Variants in NRAP observed in about 807,000 individuals in gnomAD.
The protein encoded by NRAP is nebulin-related-anchoring protein.
In NRAP, 189 loss-of-function variants were observed where a neutral mutation model predicts 225.9. That is an observed-to-expected ratio of 0.84 (90% CI 0.74 to 0.94). NRAP has a LOEUF of 0.94. Ranked by LOEUF, NRAP falls within the 40% of genes least tolerant of loss-of-function variation. NRAP has a pLI of 0.00. For missense variants in NRAP, 2,176 were observed against 2,168.7 expected (o/e 1.00, Z -0.07); for synonymous variants, 769 against 790.7 (o/e 0.97, Z 0.46).
At chr10:113,645,397 G>T (rs1335136302) in intron 11 of NRAP, among the ~76,000 whole-genome samples, 1 of 142,052 alleles carries the variant, frequency 7.0e-6, no homozygotes, top group Admixed American at 7.4e-5. Context: ...GGGTAGAATA[G>T]GTGGTGTCAC....
chr10:113,595,549 A>G (rs554105499), intron 38 of NRAP, 74 bp downstream of exon 38: 1 of 954,958 alleles, frequency 1.0e-6, no homozygotes, highest in Non-Finnish European at 1.7e-6. Flanking sequence ...TTTTTTAAAA[A>G]AACGAAATCC....
chr10:113,604,549 C>A lies in NRAP; in HGVS notation c.4227+60G>T, dbSNP rs556841559. On this transcript the variant is annotated intron_variant, in intron 35 of 41. Transcript: ENST00000359988. Reference sequence around the variant, plus strand: ...TAAGGAAGAAGCAGAGATTGACACCCGGGTTTGGTGAAAGGAGAAAGGCTG... The same window carrying A: ...TAAGGAAGAAGCAGAGATTGACACCAGGGTTTGGTGAAAGGAGAAAGGCTG... 2.0e-6 allele frequency: 3 copies of A among 1,485,002 alleles called. No homozygotes were observed. In the South Asian group the frequency reaches 3.7e-5, roughly 18 times the overall value. 92.0% of individuals were successfully genotyped at this position (1,485,002 alleles called of 1,614,324 possible).
chr10:113,611,394 T>C (rs577291815), intron 30 of NRAP, among the ~76,000 whole-genome samples: 16 of 152,294 alleles, frequency 1.1e-4, no homozygotes, highest in African/African-American at 3.8e-4. Flanking sequence ...AGTTTTCTTT[T>C]CCTAAGCGGG....
chr10:113,627,164 CCAAA>C (rs1564732137), intron 20 of NRAP, among the ~76,000 whole-genome samples: 1 of 152,216 alleles, frequency 6.6e-6, no homozygotes, highest in Non-Finnish European at 1.5e-5. Context: ...AGAAAACATT[CCAAA>C]CAGTCTTCTA....
At chr10:113,623,261 T>C (rs1472797247) in intron 23 of NRAP, among the ~76,000 whole-genome samples, 1 of 152,226 alleles carries the variant, frequency 6.6e-6, no homozygotes, top group East Asian at 1.9e-4. Flanking sequence ...AATTTATCTG[T>C]AAAGCGAGAA....
chr10:113,661,412 A>T (rs1221706675), intron 3 of NRAP, among the ~76,000 whole-genome samples: 1 of 152,188 alleles, frequency 6.6e-6, no homozygotes, highest in African/African-American at 2.4e-5. Context: ...CACTACCTCT[A>T]TCTCATACAC....
chr10:113,595,641 A>G lies in NRAP; in HGVS notation c.4518T>C (p.Asn1506=), dbSNP rs766411620. ...DHPDFTRARL[N]ALHLSDKVYR... is the part of the protein sequence containing the mutation. ...CACTTACGTCACTCAGATGCAGCGC[A>G]TTGAGGCGAGCTCGGGTGAAATCGG... Residue 1506 remains asparagine, a synonymous_variant, in exon 38 of 42, where the codon AAT becomes AAC. Transcript: ENST00000359988. 6.2e-7 allele frequency: 1 copy of G among 1,612,338 alleles called. No individual in the cohort carries two copies. Among genetic ancestry groups the G allele is most frequent in the Non-Finnish European group, 8.5e-7 (1 of 1,178,324 alleles).
At chr10:113,629,989 T>C (rs1238656244) in intron 18 of NRAP, among the ~76,000 whole-genome samples, 2 of 152,152 alleles carry the variant, frequency 1.3e-5, no homozygotes, top group Non-Finnish European at 2.9e-5. Context: ...ACTACTTTGT[T>C]TCTGGGAGGA....
chr10:113,604,548 C>A (rs1434360553), intron 35 of NRAP, 61 bp downstream of exon 35: 1 of 1,481,976 alleles, frequency 6.7e-7, no homozygotes, highest in African/African-American at 1.4e-5. Context: ...AGATTGACAC[C>A]CGGGTTTGGT....
At position 113,612,357 on chromosome 10, in the gene NRAP, A is replaced by G. The variant is rs377202579; in HGVS notation, c.3375T>C (p.His1125=). ...HLPLDMAALV[H]AKKAQTLASN... Reference sequence around the variant, plus strand: ...TGGCCAGGGTCTGAGCCTTCTTGGCATGCACCAGGGCGGCCATGTCCAACG... The same window carrying G: ...TGGCCAGGGTCTGAGCCTTCTTGGCGTGCACCAGGGCGGCCATGTCCAACG... The change falls in exon 30 of 42, where the codon CAT becomes CAC. Residue 1125 remains histidine (H), a synonymous_variant. Coordinates refer to ENST00000359988, the MANE Select transcript of NRAP (RefSeq NM_198060.4). 1.1e-5 allele frequency: 18 copies of G among 1,614,078 alleles called. No homozygotes were observed. The highest frequency in any genetic ancestry group is 1.6e-4 in the Middle Eastern group (1 of 6,082).
intron 37 of NRAP, 90 bp from the exon 38 acceptor site, chr10:113,595,817 CACCT>C: frequency 2.4e-6 from 2 of 835,034 alleles, no homozygotes; most frequent in Non-Finnish European, 4.0e-6. Flanking sequence ...CTGCCCCTCC[CACCT>C]GAGTGCCCAC....
intron 3 of NRAP, among the ~76,000 whole-genome samples, chr10:113,658,506 A>G (rs1850450890): frequency 6.6e-6 from 1 of 152,216 alleles, no homozygotes; most frequent in Non-Finnish European, 1.5e-5. Context: ...AAAAGGACTA[A>G]TTATAAAAGA....
At chr10:113,606,015 C>T (rs1592747133) in intron 33 of NRAP, 146 bp from the exon 34 acceptor site, 1 of 786,844 alleles carries the variant, frequency 1.3e-6, no homozygotes, top group East Asian at 2.5e-5. Flanking sequence ...TGGGTACACT[C>T]ATGGACTCAT....
chr10:113,640,136 A>G, intron 14 of NRAP, 91 bp downstream of exon 14: 2 of 727,582 alleles, frequency 2.7e-6, no homozygotes, highest in Non-Finnish European at 2.4e-6. Flanking sequence ...CTGTTGTATC[A>G]TGTTTCTTTC....
rs757879414 is a variant in NRAP, at chr10:113,663,863, G to A, written c.20C>T (p.Ser7Phe). The change falls in exon 1 of 42, where the codon TCT becomes TTT. Residue 7 changes from serine (S) to phenylalanine (F), a missense_variant. Ser to Phe is a radical substitution (Grantham distance 155, BLOSUM62 -2). Transcript: ENST00000359988. ...AGGATAAACCCCATACCCACACCTA[G>A]AACAGGGCTGCACATTCATCTCGAA... MNVQPC[S>F]RCGYGVYPAE... 1.9e-6 allele frequency: 3 copies of A among 1,613,680 alleles called. No individual in the cohort carries two copies. The highest frequency in any genetic ancestry group is 4.5e-5 in the East Asian group (2 of 44,874).
chr10:113,614,535 G>A (rs1564716896), intron 28 of NRAP, among the ~76,000 whole-genome samples: 1 of 152,222 alleles, frequency 6.6e-6, no homozygotes, highest in East Asian at 1.9e-4. Flanking sequence ...ACTGGAGGAA[G>A]GTGGGTGCAT....
At chr10:113,658,814 G>A (rs553415035) in intron 3 of NRAP, among the ~76,000 whole-genome samples, 2 of 150,908 alleles carry the variant, frequency 1.3e-5, no homozygotes, top group Admixed American at 6.6e-5. Flanking sequence ...CCCAGGAGGC[G>A]GAGGTTGCAG....
chr10:113,639,331 G>A (rs2134084849), intron 14 of NRAP, among the ~76,000 whole-genome samples: 1 of 152,260 alleles, frequency 6.6e-6, no homozygotes, highest in East Asian at 1.9e-4. Context: ...TTGGACACTG[G>A]AGATAACCAA....
chr10:113,640,184 C>T (rs767346448), intron 14 of NRAP, 43 bp downstream of exon 14: 18 of 1,143,788 alleles, frequency 1.6e-5, no homozygotes, highest in South Asian at 4.0e-5. Flanking sequence ...AGGAAGGAAG[C>T]GACAAGTGAC....
Sources: gnomAD v4.1 joint callset for allele counts (sites outside exome capture counted in the v4.1 genomes callset) on GRCh38, gnomAD v4.1.1 for gene constraint, MANE v1.5 for transcripts, NCBI Gene and HGNC (gene_info 2026-07-23, HGNC 2026-07-21) for gene names.